Variants in ASAP1 observed in about 807,000 individuals in gnomAD.
The protein encoded by ASAP1 is arf-GAP with SH3 domain, ANK repeat and PH domain-containing protein 1.
ASAP1 carries 43 observed loss-of-function variants against 145.2 expected under a neutral mutation model. That is an observed-to-expected ratio of 0.30 (90% CI 0.23 to 0.38). The LOEUF (loss-of-function observed/expected upper bound fraction) is 0.38, where lower values mean the gene tolerates loss of function less well. ASAP1 is among the 10% of genes least tolerant of loss of function. The pLI is 1.00. For synonymous variants in ASAP1, 546 were observed against 515.5 expected, an observed-to-expected ratio of 1.06 and a Z score of -0.80; for missense variants, 1,018 against 1,355.3, an observed-to-expected ratio of 0.75 and a Z score of 3.91.
chr8:130,217,443 CTA>C (rs1319694978), intron 4 of ASAP1, among the ~76,000 whole-genome samples: 1 of 151,374 alleles, frequency 6.6e-6, no homozygotes, highest in Non-Finnish European at 1.5e-5. Flanking sequence ...CTACCACATC[CTA>C]TATGTGTATA....
intron 7 of ASAP1, among the ~76,000 whole-genome samples, chr8:130,181,498 G>A (rs1018961954): frequency 2.6e-5 from 4 of 152,190 alleles, no homozygotes; most frequent in African/African-American, 9.6e-5. Flanking sequence ...ATGGGTCTTT[G>A]TGGGTATGCA....
At chr8:130,125,170 C>T (rs537135030) in intron 17 of ASAP1, among the ~76,000 whole-genome samples, 65 of 152,258 alleles carry the variant, frequency 4.3e-4, no homozygotes, top group African/African-American at 1.5e-3. Flanking sequence ...AGAAGTCATA[C>T]TTTATTTTAA....
At position 130,358,455 on chromosome 8, in the gene ASAP1, A is replaced by G. The variant is rs995858267; in HGVS notation, c.60-312T>C. 1.4e-5 allele frequency among the ~76,000 whole-genome samples: 2 copies of G among 146,732 alleles called. No homozygotes were observed. The highest frequency in any genetic ancestry group is 3.0e-5 in the Non-Finnish European group (2 of 66,106). ...GGCGGCAGCTCCTCAGCGGCGGGGGAGGGGACGCGGCTGCGCGCGGGGTCT... is the reference window on the plus strand; with the variant it reads ...GGCGGCAGCTCCTCAGCGGCGGGGGGGGGGACGCGGCTGCGCGCGGGGTCT... On this transcript the variant is annotated intron_variant, in intron 2 of 29. Coordinates refer to ENST00000518721, the MANE Select transcript of ASAP1 (RefSeq NM_018482.4). The surrounding 1 kb of genome is among the most constrained non-coding windows in gnomAD (Gnocchi z 4.1).
chr8:130,322,191 G>C (rs1824049065), intron 3 of ASAP1, among the ~76,000 whole-genome samples: 1 of 151,974 alleles, frequency 6.6e-6, no homozygotes, highest in Non-Finnish European at 1.5e-5. Context: ...ACTTCCAAAA[G>C]AAGGCTATGT....
At chr8:130,212,185 A>G (rs1816627226) in intron 5 of ASAP1, among the ~76,000 whole-genome samples, 1 of 152,234 alleles carries the variant, frequency 6.6e-6, no homozygotes. Context: ...TTCAATCAGA[A>G]TAATGTTTTC....
At position 130,173,857 on chromosome 8, in the gene ASAP1, G is replaced by A. The variant is rs148469432; in HGVS notation, c.747-4790C>T. Among the ~76,000 whole-genome samples the A allele has an allele frequency of 7.0e-3, 1,061 of 151,620 alleles. 12 individuals are homozygous for A. The highest frequency in any genetic ancestry group is 0.025 in the African/African-American group (1,025 of 41,312). The stretch of plus-strand genomic sequence containing the variant: ...GGAGGCCGAGATGGGTAGATTGCCT[G>A]AGCTCAGGAGTTCGAGACCAGCCTG... On this transcript the variant is annotated intron_variant, in intron 9 of 29. Transcript: ENST00000518721.
intron 26 of ASAP1, among the ~76,000 whole-genome samples, chr8:130,078,277 T>C (rs1391680088): frequency 1.3e-5 from 2 of 152,034 alleles, no homozygotes; most frequent in Non-Finnish European, 2.9e-5. Flanking sequence ...TCTCCCAAAG[T>C]GGCGAGAGCC....
chr8:130,358,824 C>T lies in ASAP1; in HGVS notation c.60-681G>A, dbSNP rs1826544570. On this transcript the variant is annotated intron_variant, in intron 2 of 29. Coordinates refer to ENST00000518721, the MANE Select transcript of ASAP1 (RefSeq NM_018482.4). This position sits in a 1 kb window ranked among gnomAD's most constrained non-coding sequence, Gnocchi z 4.1. ...GCCGCTCCCGACCCCGGCTGCGCGG[C>T]ACGGGGGCTCCGGAAGCCCGAGTCC... is the stretch of plus-strand genomic sequence containing the variant. Among the ~76,000 whole-genome samples the T allele has an allele frequency of 6.6e-6, 1 of 151,292 alleles. No homozygotes were observed. Among genetic ancestry groups the T allele is most frequent in the Admixed American group, 6.6e-5 (1 of 15,204 alleles).
chr8:130,168,829 G>A (rs1312328325), intron 10 of ASAP1, among the ~76,000 whole-genome samples, 163 bp downstream of exon 10: 1 of 152,058 alleles, frequency 6.6e-6, no homozygotes, highest in African/African-American at 2.4e-5. Flanking sequence ...TTTGACCATC[G>A]ATGACTTCTC....
chr8:130,109,313 T>C (rs2097542909), intron 24 of ASAP1, among the ~76,000 whole-genome samples: 1 of 152,188 alleles, frequency 6.6e-6, no homozygotes, highest in Non-Finnish European at 1.5e-5. Context: ...TGCTCACTTG[T>C]AAGCACAAGG....
intron 4 of ASAP1, among the ~76,000 whole-genome samples, chr8:130,223,697 T>C (rs549185458): frequency 1.8e-4 from 27 of 152,184 alleles, no homozygotes; most frequent in East Asian, 1.9e-4. Flanking sequence ...GTATCTGGTA[T>C]ACAGTGGGTG....
chr8:130,309,846 CAA>C (rs1052128740), intron 3 of ASAP1, among the ~76,000 whole-genome samples: 1 of 152,138 alleles, frequency 6.6e-6, no homozygotes, highest in African/African-American at 2.4e-5. Context: ...CCACAAAAAT[CAA>C]AGACTGACCA....
chr8:130,283,587 GAAAAAAAA>G (rs71304303), intron 3 of ASAP1, among the ~76,000 whole-genome samples: 7 of 20,882 alleles, frequency 3.4e-4, no homozygotes, highest in African/African-American at 1.2e-3. Context: ...ATCACAGAAA[GAAAAAAAA>G]AAAAAAAAAA....
chr8:130,296,453 G>A (rs889448266), intron 3 of ASAP1, among the ~76,000 whole-genome samples: 63 of 152,102 alleles, frequency 4.1e-4, no homozygotes, highest in Non-Finnish European at 8.4e-4. Context: ...CTCTGTGGAG[G>A]GATTGGTAAG....
intron 3 of ASAP1, among the ~76,000 whole-genome samples, chr8:130,264,667 T>A (rs371592077): frequency 1.3e-5 from 2 of 152,274 alleles, no homozygotes; most frequent in East Asian, 3.9e-4. Context: ...TTCACTTCAC[T>A]ATGTGCTAAT....
At chr8:130,338,922 T>C (rs906465674) in intron 3 of ASAP1, among the ~76,000 whole-genome samples, 3 of 152,184 alleles carry the variant, frequency 2.0e-5, no homozygotes, top group African/African-American at 7.2e-5. Flanking sequence ...TGGTCCAGAA[T>C]TGGGCTGCTG....
At chr8:130,392,674 C>T (rs144119266) in intron 2 of ASAP1, among the ~76,000 whole-genome samples, 2 of 152,246 alleles carry the variant, frequency 1.3e-5, no homozygotes, top group African/African-American at 4.8e-5. Flanking sequence ...GTTTATTTGG[C>T]TCTTGGTTCT....
intron 2 of ASAP1, among the ~76,000 whole-genome samples, chr8:130,399,486 C>A (rs548252492): frequency 1.3e-5 from 2 of 152,088 alleles, no homozygotes; most frequent in African/African-American, 4.8e-5. Context: ...TTTGGGTAAT[C>A]CTATAATAGA....
chr8:130,224,685 T>A (rs1376409672), intron 4 of ASAP1, among the ~76,000 whole-genome samples: 1 of 152,144 alleles, frequency 6.6e-6, no homozygotes, highest in Non-Finnish European at 1.5e-5. Context: ...TATAAGTAAA[T>A]CTAATTATTT....
Sources: allele counts gnomAD v4.1 joint callset (sites outside exome capture counted in the v4.1 genomes callset), GRCh38; gene constraint gnomAD v4.1.1; non-coding constraint Gnocchi (gnomAD v3.1); transcripts MANE v1.5; gene names NCBI Gene and HGNC (gene_info 2026-07-23, HGNC 2026-07-21).